WSB1: variants seen among roughly 807,000 people sequenced by gnomAD.
The protein encoded by WSB1 is WD repeat and SOCS box containing 1, also known as WD repeat and SOCS box-containing protein 1.
WSB1 carries 23 observed loss-of-function variants against 50.2 expected under a neutral mutation model. That is an observed-to-expected ratio of 0.46 (90% CI 0.33 to 0.65). WSB1 has a LOEUF of 0.65. Ranked by LOEUF, WSB1 falls within the 30% of genes least tolerant of loss-of-function variation. The pLI is 0.02. For synonymous variants in WSB1, 179 were observed against 172.0 expected, an observed-to-expected ratio of 1.04 and a Z score of -0.32; for missense variants, 492 against 522.3, an observed-to-expected ratio of 0.94 and a Z score of 0.56.
intron 1 of WSB1, among the ~76,000 whole-genome samples, chr17:27,294,790 A>G (rs17776657): frequency 0.013 from 1,958 of 152,278 alleles, 15 homozygotes; most frequent in Non-Finnish European, 0.02. Flanking sequence ...TAGGTTTACA[A>G]TGGGGAAAAG....
chr17:27,311,460 T>C, intron 7 of WSB1, 49 bp from the exon 8 acceptor site: 2 of 1,519,480 alleles, frequency 1.3e-6, no homozygotes, highest in South Asian at 2.4e-5. Flanking sequence ...AAAAGTTGCT[T>C]TTACCTTACA....
rs2017724085 is a variant in WSB1, at chr17:27,312,446, A to G, written c.*77A>G. 2 of 1,546,360 alleles carry G rather than the reference A, an allele frequency of 1.3e-6. No individual in the cohort carries two copies. Among genetic ancestry groups the G allele is most frequent in the African/African-American group, 2.8e-5 (2 of 71,816 alleles). On this transcript the variant is annotated 3_prime_UTR_variant, in exon 9 of 9. Transcript: ENST00000262394. ...ACCTCAAGCTTTACTGACTTCAATT[A>G]TCTGTTTTTAAAGACGTAGAAGATT... is the stretch of plus-strand genomic sequence containing the variant.
Position 27,315,659 on chromosome 17 carries a change from A to G in WSB1, c.*3290A>G, listed in dbSNP as rs2017815530. On this transcript the variant is annotated 3_prime_UTR_variant, in exon 9 of 9. Coordinates refer to ENST00000262394, the MANE Select transcript of WSB1 (RefSeq NM_015626.10). ...CATTGAGACAGTGATTACAACCTCC[A>G]TATTAATCAGATGAGGGTTTGTAGG... 1 of 152,166 alleles carries G rather than the reference A, an allele frequency of 6.6e-6. No homozygotes were observed. The highest frequency in any genetic ancestry group is 6.5e-5 in the Admixed American group (1 of 15,286). The allele number at this position is 152,166 out of a possible 1,614,324, so 9.4% of individuals were successfully genotyped here.
rs2017769820 is a variant in WSB1, at chr17:27,313,537, T to C, written c.*1168T>C. ...CTGCTTTTGCCTTCTGTTGTTTATC[T>C]TACCTGCAGATATTAAGAATGTATG... On this transcript the variant is annotated 3_prime_UTR_variant, in exon 9 of 9. Transcript: ENST00000262394. 1 of 152,574 alleles carries C rather than the reference T, an allele frequency of 6.6e-6. No individual in the cohort carries two copies. Among genetic ancestry groups the C allele is most frequent in the Non-Finnish European group, 1.5e-5 (1 of 68,038 alleles). The allele number at this position is 152,574 out of a possible 1,614,324, so 9.5% of individuals were successfully genotyped here.
At chr17:27,311,358 A>C in intron 7 of WSB1, 151 bp from the exon 8 acceptor site, 2 of 544,122 alleles carry the variant, frequency 3.7e-6, no homozygotes, top group Non-Finnish European at 6.3e-6. Context: ...AATATTTTGT[A>C]ATTGTATAAA....
At chr17:27,298,541 C>A (rs1179971279) in intron 1 of WSB1, among the ~76,000 whole-genome samples, 1 of 151,810 alleles carries the variant, frequency 6.6e-6, no homozygotes, top group Non-Finnish European at 1.5e-5. Flanking sequence ...GGTAACATAG[C>A]AAGACCCTGT....
At chr17:27,294,964 A>C (rs886408026) in intron 1 of WSB1, among the ~76,000 whole-genome samples, 8 of 152,106 alleles carry the variant, frequency 5.3e-5, no homozygotes, top group Non-Finnish European at 1.2e-4. Flanking sequence ...GGGGGAGGAG[A>C]CTTTTAGAAT....
chr17:27,309,583 T>C (rs564923264), intron 6 of WSB1, among the ~76,000 whole-genome samples: 4 of 142,860 alleles, frequency 2.8e-5, no homozygotes, highest in Admixed American at 1.5e-4. Flanking sequence ...TCTTAAATCA[T>C]AAAAGATTTT....
At chr17:27,298,291 T>C (rs955348363) in intron 1 of WSB1, among the ~76,000 whole-genome samples, 12 of 152,136 alleles carry the variant, frequency 7.9e-5, no homozygotes, top group Non-Finnish European at 2.9e-5. Flanking sequence ...ATAGAGACTT[T>C]TAAGTTGAAT....
rs997484766 is a variant in WSB1 at position 27,313,282 on chromosome 17, A to G, written c.*913A>G. 2.0e-5 allele frequency: 3 copies of G among 152,154 alleles called. No individual in the cohort carries two copies. Among genetic ancestry groups the G allele is most frequent in the African/African-American group, 7.3e-5 (3 of 41,338 alleles). 9.4% of individuals were successfully genotyped at this position (152,154 alleles called of 1,614,324 possible). ...TTTTTTTTTTTTTACTCCCCCTCTAAACACTGCTGCTGCCTTAATTTTAGA... is the reference window on the plus strand; with the variant it reads ...TTTTTTTTTTTTTACTCCCCCTCTAGACACTGCTGCTGCCTTAATTTTAGA... On this transcript the variant is annotated 3_prime_UTR_variant, in exon 9 of 9. Transcript: ENST00000262394.
At chr17:27,294,500 G>A (rs1240084395) in intron 1 of WSB1, 65 bp downstream of exon 1, 2 of 1,593,630 alleles carry the variant, frequency 1.3e-6, no homozygotes, top group Admixed American at 3.4e-5. Context: ...CCCGGAGGAG[G>A]TTTGGGAGGA....
chr17:27,297,858 A>G (rs1180392158), intron 1 of WSB1, among the ~76,000 whole-genome samples: 1 of 152,102 alleles, frequency 6.6e-6, no homozygotes, highest in Non-Finnish European at 1.5e-5. Flanking sequence ...GTGTAATCCC[A>G]GCACTTTGGG....
At chr17:27,307,037 A>C (rs550002810) in intron 5 of WSB1, 155 bp downstream of exon 5, 11 of 699,556 alleles carry the variant, frequency 1.6e-5, no homozygotes, top group Non-Finnish European at 2.1e-5. Context: ...GCATGAAGGA[A>C]ATTAAATATA....
chr17:27,313,791 G>A lies in WSB1; in HGVS notation c.*1422G>A, dbSNP rs1284664084. Reference sequence around the variant, plus strand: ...CTCTAGAATTCATTCAGGGCTCCCCGAGTGCAGCAGCTCTTATGGTGGTTT... The same window carrying A: ...CTCTAGAATTCATTCAGGGCTCCCCAAGTGCAGCAGCTCTTATGGTGGTTT... On this transcript the variant is annotated 3_prime_UTR_variant, in exon 9 of 9. Coordinates refer to ENST00000262394, the MANE Select transcript of WSB1 (RefSeq NM_015626.10). The A allele has an allele frequency of 6.6e-6, 1 of 152,178 alleles. No individual in the cohort carries two copies. The highest frequency in any genetic ancestry group is 1.5e-5 in the Non-Finnish European group (1 of 68,040). The allele number at this position is 152,178 out of a possible 1,614,324, so 9.4% of individuals were successfully genotyped here.
intron 3 of WSB1, 49 bp downstream of exon 3, chr17:27,303,684 G>A (rs762000125): frequency 5.0e-6 from 8 of 1,589,920 alleles, no homozygotes; most frequent in Non-Finnish European, 6.8e-6. Context: ...ATGATGCAGG[G>A]CACTGCTTAT....
At chr17:27,298,208 T>C (rs762999174) in intron 1 of WSB1, among the ~76,000 whole-genome samples, 3 of 151,750 alleles carry the variant, frequency 2.0e-5, no homozygotes, top group Non-Finnish European at 4.4e-5. Context: ...TTAATTTTAG[T>C]CTCATTTACT....
intron 2 of WSB1, 47 bp downstream of exon 2, chr17:27,302,003 C>T: frequency 6.7e-6 from 10 of 1,501,666 alleles, no homozygotes; most frequent in South Asian, 1.4e-5. Flanking sequence ...GTGGAATTTA[C>T]CATTTTCTCT....
At position 27,314,340 on chromosome 17, in the gene WSB1, C is replaced by T. The variant is rs1452137299; in HGVS notation, c.*1971C>T. 2 of 152,152 alleles carry T rather than the reference C, an allele frequency of 1.3e-5. No homozygotes were observed. The highest frequency in any genetic ancestry group is 3.9e-4 in the East Asian group (2 of 5,186). 9.4% of individuals were successfully genotyped at this position (152,152 alleles called of 1,614,324 possible). Reference sequence around the variant, plus strand: ...CTATAATCCCAGCACTTTGGGAGGCCAAGGCAGGTGGGTCACTTAAGGCCG... The same window carrying T: ...CTATAATCCCAGCACTTTGGGAGGCTAAGGCAGGTGGGTCACTTAAGGCCG... On this transcript the variant is annotated 3_prime_UTR_variant, in exon 9 of 9. Transcript: ENST00000262394.
intron 1 of WSB1, chr17:27,297,270 G>A (rs4795558): frequency 0.47 from 71,874 of 151,824 alleles, 17,657 homozygotes; most frequent in African/African-American, 0.62. Context: ...GGATCAAGCA[G>A]TTCTCCTGCC....
Sources: gnomAD v4.1 joint callset for allele counts (sites outside exome capture counted in the v4.1 genomes callset) on GRCh38, gnomAD v4.1.1 for gene constraint, MANE v1.5 for transcripts, NCBI Gene and HGNC (gene_info 2026-07-23, HGNC 2026-07-21) for gene names.